The following AGFG2 variants were observed in gnomAD, a reference collection of about 807,000 sequenced individuals.
AGFG2 encodes the protein arf-GAP domain and FG repeat-containing protein 2.
AGFG2 carries 31 observed loss-of-function variants against 48.0 expected under a neutral mutation model. The ratio of observed to expected loss-of-function variants is 0.65; its 90% CI spans 0.49 to 0.87. The LOEUF is 0.87. Among genes scored for constraint, AGFG2 ranks in the 40% least tolerant of loss-of-function variants. The probability of loss-of-function intolerance (pLI) is 0.00; values close to 1 mark genes in which losing one functional copy is unlikely to be tolerated. For synonymous variants in AGFG2, 229 were observed against 260.8 expected (o/e 0.88, Z 1.18); for missense variants, 599 against 632.6 (o/e 0.95, Z 0.57).
Position 100,565,210 on chromosome 7 carries a change from A to T in AGFG2, c.*219A>T, listed in dbSNP as rs1800980939. ...CCCCCACCCAGGCAGGAAGCCCAGG[A>T]GGAGTGCGGGCAGGGCCTGACCTGG... On this transcript the variant is annotated 3_prime_UTR_variant, in exon 12 of 12. Transcript: ENST00000300176. 1.6e-6 allele frequency: 1 copy of T among 612,586 alleles called. No homozygotes were observed. Among genetic ancestry groups the T allele is most frequent in the African/African-American group, 1.9e-5 (1 of 53,922 alleles). 37.9% of individuals were successfully genotyped at this position (612,586 alleles called of 1,614,324 possible). A position where few individuals can be genotyped will look rare whatever the true frequency, so the allele number is the denominator to read the frequency against.
intron 6 of AGFG2, among the ~76,000 whole-genome samples, chr7:100,559,301 C>T (rs1800818366): frequency 1.3e-5 from 2 of 152,138 alleles, no homozygotes; most frequent in Admixed American, 1.3e-4. Context: ...ATTGGCAGAA[C>T]CGCTTCCCAC....
intron 11 of AGFG2, 146 bp downstream of exon 11, chr7:100,564,449 T>G (rs1800962491): frequency 2.5e-6 from 2 of 803,028 alleles, no homozygotes; most frequent in Non-Finnish European, 2.0e-6. Context: ...AGCTTGGGCC[T>G]CAGCTCTTCT....
intron 6 of AGFG2, among the ~76,000 whole-genome samples, chr7:100,559,551 T>C (rs1201760523): frequency 6.6e-6 from 1 of 152,014 alleles, no homozygotes. Context: ...GTGTGGTGGC[T>C]CATGCCTGTA....
At chr7:100,550,562 A>G (rs753230251) in intron 3 of AGFG2, 51 bp downstream of exon 3, 6 of 1,402,664 alleles carry the variant, frequency 4.3e-6, no homozygotes, top group Non-Finnish European at 6.0e-6. Context: ...GACATTCTTC[A>G]TCTGACAGTC....
At position 100,562,642 on chromosome 7, in the gene AGFG2, G is replaced by GGGC. The variant is rs756166918; in HGVS notation, c.1060_1062dup (p.Gly354dup). 1,127 of 1,609,830 alleles carry GGGC rather than the reference G, an allele frequency of 7.0e-4. No individual in the cohort carries two copies. Among genetic ancestry groups the GGGC allele is most frequent in the Non-Finnish European group, 9.0e-4 (1,066 of 1,179,114 alleles). On this transcript the variant is annotated inframe_insertion, in exon 8 of 12. Transcript: ENST00000300176. The surrounding 1 kb of genome is among the most constrained non-coding windows in gnomAD (Gnocchi z 5.4). ...TCCCCCCGCTCCAGTCTGTCACGAT[G>GGGC]GGCGGCGGCGGCGGCAGCAGCACAG...
In AGFG2 at chr7:100,548,321, G is replaced by T. The variant is rs116084213; in HGVS notation, c.222-501G>T. On this transcript the variant is annotated intron_variant, in intron 1 of 11. Transcript: ENST00000300176. ...TCTTTTTTTTGGGGGTTGGAGGGGG[G>T]TGGTGGGAGTGGGGACAGAGTCTTG... is the stretch of plus-strand genomic sequence containing the variant. Among the ~76,000 whole-genome samples, 659 of 151,784 alleles carry T rather than the reference G, an allele frequency of 4.3e-3. 4 individuals are homozygous for T. Among genetic ancestry groups the T allele is most frequent in the African/African-American group, 0.015 (616 of 41,364 alleles).
intron 1 of AGFG2, among the ~76,000 whole-genome samples, chr7:100,544,830 A>G (rs983406548): frequency 1.3e-5 from 2 of 152,176 alleles, no homozygotes; most frequent in African/African-American, 4.8e-5. Context: ...GCTGGATGCT[A>G]TCAGGAGTCT....
At chr7:100,547,114 G>A (rs1360797460) in intron 1 of AGFG2, among the ~76,000 whole-genome samples, 1 of 151,980 alleles carries the variant, frequency 6.6e-6, no homozygotes, top group Non-Finnish European at 1.5e-5. Context: ...ATCATCCGCA[G>A]GGTGGCCGCC....
At chr7:100,549,675 G>GT (rs766596904) in intron 2 of AGFG2, among the ~76,000 whole-genome samples, 62 of 151,608 alleles carry the variant, frequency 4.1e-4, no homozygotes, top group South Asian at 1.0e-3. Flanking sequence ...CTCAATATTT[G>GT]TTTATTTATT....
chr7:100,540,217 T>C (rs1264959380), intron 1 of AGFG2, among the ~76,000 whole-genome samples: 2 of 152,082 alleles, frequency 1.3e-5, no homozygotes, highest in Non-Finnish European at 2.9e-5. Flanking sequence ...ATACTAATCT[T>C]AGCAGGGCTT....
At chr7:100,561,274 C>T (rs573916925) in intron 6 of AGFG2, among the ~76,000 whole-genome samples, 4 of 152,116 alleles carry the variant, frequency 2.6e-5, no homozygotes, top group Admixed American at 6.5e-5. Flanking sequence ...TTACAAGCAC[C>T]TGCCACCATG....
At position 100,550,522 on chromosome 7, in the gene AGFG2, G is replaced by A. The variant is rs1246076807; in HGVS notation, c.431+11G>A. 6.3e-7 allele frequency: 1 copy of A among 1,588,222 alleles called. No homozygotes were observed. Among genetic ancestry groups the A allele is most frequent in the Non-Finnish European group, 8.6e-7 (1 of 1,157,368 alleles). Reference sequence around the variant, plus strand: ...TGAGAAGAAGAGATGGTAAGGAGTAGGAAAGAGGTTGCTATGGAAACGTGT... The same window carrying A: ...TGAGAAGAAGAGATGGTAAGGAGTAAGAAAGAGGTTGCTATGGAAACGTGT... On this transcript the variant is annotated intron_variant, in intron 3 of 11. Coordinates refer to ENST00000300176, the MANE Select transcript of AGFG2 (RefSeq NM_006076.5).
At chr7:100,547,023 T>C (rs912368660) in intron 1 of AGFG2, among the ~76,000 whole-genome samples, 7 of 152,216 alleles carry the variant, frequency 4.6e-5, no homozygotes, top group Admixed American at 3.3e-4. Context: ...CCTAAAGGTC[T>C]AGCAGCAGAA....
chr7:100,555,063 G>A (rs1372587205), intron 5 of AGFG2, among the ~76,000 whole-genome samples: 1 of 151,912 alleles, frequency 6.6e-6, no homozygotes, highest in Non-Finnish European at 1.5e-5. Flanking sequence ...AGGGCAGGGA[G>A]TGAACCTGGA....
In AGFG2 at chr7:100,555,630, G is replaced by A; in HGVS notation, c.772G>A (p.Gly258Ser). ...AFGGQTPSQG[G>S]FANFDAFSSG... ...TACAGGCCAGACACCTTCCCAAGGA[G>A]GCTTTGCCAACTTTGATGCCTTTAG... Residue 258 changes from glycine (G) to serine (S), a missense_variant, in exon 6 of 12, where the codon GGC becomes AGC. Coordinates refer to ENST00000300176, the MANE Select transcript of AGFG2 (RefSeq NM_006076.5). The A allele has an allele frequency of 6.2e-7, 1 of 1,613,820 alleles. No individual in the cohort carries two copies. The highest frequency in any genetic ancestry group is 2.2e-5 in the East Asian group (1 of 44,862).
intron 1 of AGFG2, among the ~76,000 whole-genome samples, chr7:100,541,259 C>T (rs1445827637): frequency 6.6e-6 from 1 of 152,142 alleles, no homozygotes; most frequent in African/African-American, 2.4e-5. Flanking sequence ...TCGTTTTAAC[C>T]TCCTTTGCTA....
At chr7:100,557,040 A>G (rs1252577617) in intron 6 of AGFG2, among the ~76,000 whole-genome samples, 1 of 152,000 alleles carries the variant, frequency 6.6e-6, no homozygotes, top group Non-Finnish European at 1.5e-5. Flanking sequence ...TCTACTCAAA[A>G]TACAAAAATT....
chr7:100,563,925 G>T lies in AGFG2; in HGVS notation c.1263G>T (p.Leu421=), dbSNP rs752149049. ...GAFASSFPAP[L]FPPQTPLVQQ... ...TTGCCAGCTCCTTCCCAGCACCGCT[G>T]TTCCCCCCGCAGACCCCGCTTGTTC... Residue 421 remains leucine (L), a synonymous_variant, in exon 10 of 12, where the codon CTG becomes CTT. Coordinates refer to ENST00000300176, the MANE Select transcript of AGFG2 (RefSeq NM_006076.5). 5.0e-6 allele frequency: 8 copies of T among 1,608,914 alleles called. No homozygotes were observed. The highest frequency in any genetic ancestry group is 6.8e-6 in the Non-Finnish European group (8 of 1,179,998).
Position 100,563,891 on chromosome 7 carries a change from C to T in AGFG2, c.1229C>T (p.Thr410Ile). The part of the protein sequence containing the change: ...GPGFPQAVPP[T>I]GAFASSFPAP... ...GGCTTCCCCCAGGCAGTGCCACCCA[C>T]TGGGGCCTTTGCCAGCTCCTTCCCA... The change falls in exon 10 of 12, where the codon ACT becomes ATT. Residue 410 changes from threonine to isoleucine, a missense_variant. Thr to Ile is a moderately conservative substitution (Grantham distance 89, BLOSUM62 -1). Coordinates refer to ENST00000300176, the MANE Select transcript of AGFG2 (RefSeq NM_006076.5). The T allele has an allele frequency of 6.2e-7, 1 of 1,610,668 alleles. No homozygotes were observed. The highest frequency in any genetic ancestry group is 8.5e-7 in the Non-Finnish European group (1 of 1,180,022).
Sources: gnomAD v4.1 joint callset for allele counts (sites outside exome capture counted in the v4.1 genomes callset) on GRCh38, gnomAD v4.1.1 for gene constraint, Gnocchi (gnomAD v3.1) non-coding constraint, MANE v1.5 for transcripts, NCBI Gene and HGNC (gene_info 2026-07-23, HGNC 2026-07-21) for gene names.